The following SETBP1 variants were observed in gnomAD, a reference collection of about 807,000 sequenced individuals.
The protein encoded by SETBP1 is SET binding protein 1, also known as SET-binding protein.
Under a neutral mutation model 101.0 loss-of-function variants are expected in SETBP1, and 9 were observed. The observed-to-expected ratio is 0.09, with a 90% CI of 0.05 to 0.16. The LOEUF (loss-of-function observed/expected upper bound fraction) is 0.16, where lower values mean the gene tolerates loss of function less well. SETBP1 is among the 10% of genes least tolerant of loss of function. The pLI is 1.00. For missense variants in SETBP1, 1,858 were observed against 2,033.8 expected, an observed-to-expected ratio of 0.91 and a Z score of 1.66; for synonymous variants, 818 against 788.5, an observed-to-expected ratio of 1.04 and a Z score of -0.63.
chr18:44,767,678 G>A (rs757166013), intron 2 of SETBP1, among the ~76,000 whole-genome samples: 1 of 152,212 alleles, frequency 6.6e-6, no homozygotes, highest in Non-Finnish European at 1.5e-5. Context: ...CCCATCTGCA[G>A]CATTATAATC....
chr18:44,691,839 A>AGGGT (rs1386532868), intron 1 of SETBP1, among the ~76,000 whole-genome samples: 2 of 152,196 alleles, frequency 1.3e-5, no homozygotes, highest in Non-Finnish European at 2.9e-5. Context: ...AAGGGGCCAC[A>AGGGT]GGGTTGAACT....
intron 3 of SETBP1, among the ~76,000 whole-genome samples, chr18:44,872,639 G>C (rs1008218639): frequency 1.1e-4 from 16 of 152,232 alleles, no homozygotes; most frequent in African/African-American, 3.6e-4. Flanking sequence ...AGCATTCAAG[G>C]CTTCTTGGCA....
intron 2 of SETBP1, among the ~76,000 whole-genome samples, chr18:44,775,489 CT>C (rs1394955455): frequency 6.6e-6 from 1 of 151,988 alleles, no homozygotes; most frequent in Non-Finnish European, 1.5e-5. Context: ...GTTCTGGCTA[CT>C]TTTTTTTCTT....
At chr18:44,753,063 T>A (rs1360188887) in intron 2 of SETBP1, among the ~76,000 whole-genome samples, 2 of 152,188 alleles carry the variant, frequency 1.3e-5, no homozygotes, top group East Asian at 1.9e-4. Flanking sequence ...CAATTATGGT[T>A]TTTTTATGTT....
chr18:44,953,597 G>A (rs2071417189), intron 4 of SETBP1, among the ~76,000 whole-genome samples: 1 of 152,234 alleles, frequency 6.6e-6, no homozygotes, highest in Non-Finnish European at 1.5e-5. Flanking sequence ...CTAGGCTGCA[G>A]TCGTGCCCAC....
chr18:44,686,545 C>T (rs980411423), intron 1 of SETBP1, among the ~76,000 whole-genome samples: 2 of 152,160 alleles, frequency 1.3e-5, no homozygotes, highest in Non-Finnish European at 2.9e-5. Flanking sequence ...TATCACTTAC[C>T]CCCTCCAAGC....
At chr18:44,750,838 A>G (rs2070365879) in intron 2 of SETBP1, among the ~76,000 whole-genome samples, 1 of 152,240 alleles carries the variant, frequency 6.6e-6, no homozygotes, top group African/African-American at 2.4e-5. Flanking sequence ...ACTAGCTAAG[A>G]TGCAAAGTGT....
chr18:44,715,161 G>C (rs1409683152), intron 2 of SETBP1, among the ~76,000 whole-genome samples: 1 of 152,170 alleles, frequency 6.6e-6, no homozygotes, highest in African/African-American at 2.4e-5. Context: ...GAGAATAGTT[G>C]AGTCTCTTGA....
intron 2 of SETBP1, 53 bp from the exon 3 acceptor site, chr18:44,869,177 A>G (rs2069210633): frequency 6.0e-6 from 9 of 1,498,026 alleles, no homozygotes; most frequent in Non-Finnish European, 8.4e-6. Flanking sequence ...TCGTGGGGAT[A>G]CTGTATGCAA....
intron 3 of SETBP1, among the ~76,000 whole-genome samples, chr18:44,932,878 A>T (rs904658918): frequency 6.6e-6 from 1 of 152,126 alleles, no homozygotes; most frequent in Non-Finnish European, 1.5e-5. Context: ...GCTTCTTTGC[A>T]TTGGGTTTGA....
At chr18:44,731,293 G>C (rs970031806) in intron 2 of SETBP1, among the ~76,000 whole-genome samples, 1 of 152,166 alleles carries the variant, frequency 6.6e-6, no homozygotes, top group Admixed American at 6.5e-5. Context: ...AGTCACTAAG[G>C]CCAGCCCAGA....
intron 2 of SETBP1, among the ~76,000 whole-genome samples, chr18:44,825,098 G>A (rs1163398604): frequency 6.6e-6 from 1 of 152,182 alleles, no homozygotes; most frequent in Non-Finnish European, 1.5e-5. Context: ...CCCCACCTGG[G>A]GGCATTAAGG....
chr18:44,994,230 A>C (rs893031494), intron 4 of SETBP1, among the ~76,000 whole-genome samples: 1 of 152,062 alleles, frequency 6.6e-6, no homozygotes, highest in South Asian at 2.1e-4. Context: ...AACACACACA[A>C]AAAAAAGTTC....
At chr18:44,876,941 T>G in intron 3 of SETBP1, 1 of 1,322,016 alleles carries the variant, frequency 7.6e-7, no homozygotes, top group Non-Finnish European at 9.6e-7. Flanking sequence ...TTCACAATGC[T>G]GCCCTGAAGA....
At chr18:45,046,355 C>T (rs138839100) in intron 5 of SETBP1, among the ~76,000 whole-genome samples, 89 of 152,270 alleles carry the variant, frequency 5.8e-4, no homozygotes, top group African/African-American at 2.1e-3. Flanking sequence ...TATATCAGAT[C>T]CAGAAGCAGC....
At chr18:44,954,579 A>G (rs2145123268) in intron 4 of SETBP1, among the ~76,000 whole-genome samples, 1 of 152,334 alleles carries the variant, frequency 6.6e-6, no homozygotes, top group Middle Eastern at 3.4e-3. Context: ...AGCAGATTTC[A>G]GGAAGAAATA....
intron 4 of SETBP1, among the ~76,000 whole-genome samples, chr18:44,964,509 T>TC (rs1335293272): frequency 2.0e-5 from 3 of 151,624 alleles, no homozygotes; most frequent in Non-Finnish European, 4.4e-5. Flanking sequence ...CTATTTGAGG[T>TC]CCCAATGGCA....
At chr18:45,005,610 G>C (rs2145353060) in intron 4 of SETBP1, among the ~76,000 whole-genome samples, 1 of 150,090 alleles carries the variant, frequency 6.7e-6, no homozygotes, top group Admixed American at 6.6e-5. Flanking sequence ...CCTGACTCAA[G>C]CCCTCCTGCC....
intron 2 of SETBP1, among the ~76,000 whole-genome samples, chr18:44,715,192 C>G (rs2069436169): frequency 6.6e-6 from 1 of 152,202 alleles, no homozygotes; most frequent in South Asian, 2.1e-4. Context: ...GTTGTTTCTG[C>G]TGCTTGGCCC....
Sources: allele counts gnomAD v4.1 joint callset (sites outside exome capture counted in the v4.1 genomes callset), GRCh38; gene constraint gnomAD v4.1.1; transcripts MANE v1.5; gene names NCBI Gene and HGNC (gene_info 2026-07-23, HGNC 2026-07-21).